The following DAB1 variants were observed in gnomAD, a reference collection of about 807,000 sequenced individuals.
The protein encoded by DAB1 is DAB adaptor protein 1.
DAB1 carries 15 observed loss-of-function variants against 64.6 expected under a neutral mutation model. The observed-to-expected ratio is 0.23, with a 90% CI of 0.16 to 0.36. DAB1 has a LOEUF of 0.36. DAB1 is among the 10% of genes least tolerant of loss of function. The probability of loss-of-function intolerance (pLI) is 1.00; values close to 1 mark genes in which losing one functional copy is unlikely to be tolerated. For synonymous variants in DAB1, 235 were observed against 251.9 expected (o/e 0.93, Z 0.64); for missense variants, 596 against 706.7 (o/e 0.84, Z 1.78).
intron 1 of DAB1, among the ~76,000 whole-genome samples, chr1:57,337,858 T>TTTCCC (rs1421543521): frequency 2.7e-5 from 4 of 149,928 alleles, no homozygotes; most frequent in African/African-American, 9.9e-5. Context: ...TCCCTTTCCC[T>TTTCCC]TTCCCTTCCC....
intron 5 of DAB1, among the ~76,000 whole-genome samples, chr1:58,148,996 T>C (rs529539534): frequency 1.8e-4 from 27 of 152,214 alleles, no homozygotes; most frequent in Non-Finnish European, 2.4e-4. Context: ...TGAATTCATG[T>C]GATTCTTCTT....
intron 6 of DAB1, among the ~76,000 whole-genome samples, chr1:57,713,462 A>G (rs919233390): frequency 1.3e-5 from 2 of 152,226 alleles, no homozygotes; most frequent in African/African-American, 4.8e-5. Context: ...TACCAAATTG[A>G]TCCATGATTT....
chr1:57,926,555 A>ATC lies in DAB1; in HGVS notation n.388-42395_388-42394dup, dbSNP rs748286722. ...TCTGTGACATTAGGCAAACTTCTGGATCTCTCTCTCTCAATCTCCTTAGCA... is the reference window on the plus strand; with the variant it reads ...TCTGTGACATTAGGCAAACTTCTGGATCTCTCTCTCTCTCAATCTCCTTAGCA... On this transcript the variant is annotated intron_variant and non_coding_transcript_variant, in intron 5 of 20. Transcript: ENST00000485760. Among the ~76,000 whole-genome samples the ATC allele has an allele frequency of 4.5e-4, 68 of 152,096 alleles. 1 individual carries two copies. Among genetic ancestry groups the ATC allele is most frequent in the Admixed American group, 1.2e-3 (19 of 15,264 alleles).
At chr1:58,537,500 G>A (rs1216819261) in intron 1 of DAB1, among the ~76,000 whole-genome samples, 1 of 152,178 alleles carries the variant, frequency 6.6e-6, no homozygotes, top group African/African-American at 2.4e-5. Flanking sequence ...AGATTTTATA[G>A]ATAACATCTG....
intron 5 of DAB1, among the ~76,000 whole-genome samples, chr1:58,134,513 T>G (rs984717528): frequency 6.6e-6 from 1 of 150,842 alleles, no homozygotes; most frequent in Non-Finnish European, 1.5e-5. Flanking sequence ...GGGTAATTTA[T>G]TTGAAAAAAA....
intron 5 of DAB1, among the ~76,000 whole-genome samples, chr1:58,064,297 G>A (rs1648697861): frequency 6.6e-6 from 1 of 152,196 alleles, no homozygotes; most frequent in African/African-American, 2.4e-5. Flanking sequence ...TATGGCATGT[G>A]TTTAGAGGCT....
intron 4 of DAB1, among the ~76,000 whole-genome samples, chr1:58,209,198 A>C (rs1234574614): frequency 6.6e-6 from 1 of 152,206 alleles, no homozygotes; most frequent in Non-Finnish European, 1.5e-5. Flanking sequence ...CTAGGAAATG[A>C]GGCTACAGGG....
intron 7 of DAB1, among the ~76,000 whole-genome samples, chr1:57,559,812 C>A (rs1245167015): frequency 6.6e-6 from 1 of 152,200 alleles, no homozygotes; most frequent in African/African-American, 2.4e-5. Context: ...ATTAGAGCTG[C>A]CACTACCTAG....
At chr1:57,984,252 GAA>G (rs1221803395) in intron 5 of DAB1, among the ~76,000 whole-genome samples, 1 of 132,836 alleles carries the variant, frequency 7.5e-6, no homozygotes, top group South Asian at 2.4e-4. Context: ...AAGAAAGAAA[GAA>G]AGAAAGAAAA....
chr1:57,781,124 CTCTATATATATATATATA>C (rs1181868930), intron 6 of DAB1, among the ~76,000 whole-genome samples: 74 of 38,876 alleles, frequency 1.9e-3, no homozygotes, highest in East Asian at 7.4e-3. Context: ...CTCTCTCTCT[CTCTATATATATATATATA>C]TATATATATA....
intron 7 of DAB1, among the ~76,000 whole-genome samples, chr1:57,473,738 A>G (rs1643895822): frequency 6.6e-6 from 1 of 152,198 alleles, no homozygotes; most frequent in Non-Finnish European, 1.5e-5. Flanking sequence ...ACCTCTTGCC[A>G]TCTATGCATC....
At position 57,686,620 on chromosome 1, in the gene DAB1, A is replaced by G. The variant is rs557247048; in HGVS notation, n.552-36955T>C. On this transcript the variant is annotated intron_variant and non_coding_transcript_variant, in intron 6 of 20. Transcript: ENST00000485760. ...ATGAAAAAAGAAAACTTCAGACCATATATCTCTGAGGAACATAGATTCAAA... is the reference window on the plus strand; with the variant it reads ...ATGAAAAAAGAAAACTTCAGACCATGTATCTCTGAGGAACATAGATTCAAA... Among the ~76,000 whole-genome samples the G allele has an allele frequency of 2.6e-5, 4 of 152,276 alleles. No homozygotes were observed. The South Asian group carries it at 6.2e-4, about 24-fold the overall frequency.
chr1:57,061,328 G>T (rs1650379669), intron 9 of DAB1, among the ~76,000 whole-genome samples: 1 of 152,016 alleles, frequency 6.6e-6, no homozygotes, highest in Non-Finnish European at 1.5e-5. Flanking sequence ...AAGGGGGCAG[G>T]CAAGGATGAG....
chr1:57,779,859 C>T (rs1258069572), intron 6 of DAB1, among the ~76,000 whole-genome samples: 2 of 152,128 alleles, frequency 1.3e-5, no homozygotes, highest in African/African-American at 4.8e-5. Context: ...TCCAGTTTTT[C>T]CATGGATACT....
chr1:57,220,486 A>G (rs1182857550), intron 2 of DAB1, among the ~76,000 whole-genome samples: 1 of 152,202 alleles, frequency 6.6e-6, no homozygotes, highest in Non-Finnish European at 1.5e-5. Flanking sequence ...TGGTCCTTTT[A>G]TCAGTCTTCT....
intron 2 of DAB1, among the ~76,000 whole-genome samples, chr1:57,164,545 T>C (rs1661053036): frequency 6.6e-6 from 1 of 152,100 alleles, no homozygotes; most frequent in African/African-American, 2.4e-5. Flanking sequence ...GACAGCCTTT[T>C]CCTGGGGAAT....
At chr1:57,116,951 T>C (rs1457910452) in intron 4 of DAB1, among the ~76,000 whole-genome samples, 3 of 152,192 alleles carry the variant, frequency 2.0e-5, no homozygotes, top group African/African-American at 7.2e-5. Context: ...GAGATCTTAG[T>C]TACTTCATCC....
chr1:58,233,623 G>A (rs979178936), intron 4 of DAB1, among the ~76,000 whole-genome samples: 3 of 152,146 alleles, frequency 2.0e-5, no homozygotes, highest in African/African-American at 7.2e-5. Flanking sequence ...ATTGTATAAG[G>A]AAATAGGTTC....
At chr1:57,396,793 T>C (rs1461650873) in intron 1 of DAB1, among the ~76,000 whole-genome samples, 1 of 152,188 alleles carries the variant, frequency 6.6e-6, no homozygotes, top group Non-Finnish European at 1.5e-5. Flanking sequence ...CTATAAGAAC[T>C]TGTTAGTAAG....
Sources: allele counts gnomAD v4.1 joint callset (sites outside exome capture counted in the v4.1 genomes callset), GRCh38; gene constraint gnomAD v4.1.1; transcripts MANE v1.5; gene names NCBI Gene and HGNC (gene_info 2026-07-23, HGNC 2026-07-21).